ZFHX3: variants seen among roughly 807,000 people sequenced by gnomAD.
ZFHX3 encodes zinc finger homeobox protein 3.
Under a neutral mutation model 279.1 loss-of-function variants are expected in ZFHX3, and 42 were observed. The ratio of observed to expected loss-of-function variants is 0.15; its 90% CI spans 0.12 to 0.19. The LOEUF (loss-of-function observed/expected upper bound fraction) is 0.19. Among genes scored for constraint, ZFHX3 ranks in the 10% least tolerant of loss-of-function variants. ZFHX3 has a pLI of 1.00. For synonymous variants in ZFHX3, 2,293 were observed against 1,957.8 expected (o/e 1.17, Z -4.52); for missense variants, 4,981 against 4,754.0 (o/e 1.05, Z -1.40).
chr16:72,800,183 G>A, intron 7 of ZFHX3, 54 bp from the exon 8 acceptor site: 1 of 1,484,934 alleles, frequency 6.7e-7, no homozygotes, highest in Admixed American at 1.7e-5. Flanking sequence ...CACAAAATAG[G>A]AAATGTTTAA....
chr16:73,611,352 A>G (rs1231379736), intron 2 of ZFHX3, among the ~76,000 whole-genome samples: 1 of 152,186 alleles, frequency 6.6e-6, no homozygotes, highest in Non-Finnish European at 1.5e-5. Flanking sequence ...GAATTAAAAA[A>G]TGCTTTTTCT....
chr16:73,779,697 AC>A (rs1959385206), intron 1 of ZFHX3, among the ~76,000 whole-genome samples: 1 of 152,136 alleles, frequency 6.6e-6, no homozygotes, highest in Non-Finnish European at 1.5e-5. Context: ...CAACAAAGAT[AC>A]CTTTGATGAA....
In ZFHX3 at chr16:72,966,176, C is replaced by G. The variant is rs78066012; in HGVS notation, c.-49-5982G>C. 3.3e-5 allele frequency among the ~76,000 whole-genome samples: 5 copies of G among 152,226 alleles called. No homozygotes were observed. The East Asian group carries it at 9.7e-4, about 29-fold the overall frequency. ...TGACTGAAATCAACAGCTTGAGGAA[C>G]AAGACCATGCAGGCATGTCCACTTG... On this transcript the variant is annotated intron_variant, in intron 1 of 9. Transcript: ENST00000268489.
intron 2 of ZFHX3, among the ~76,000 whole-genome samples, chr16:73,637,815 C>T (rs2052541548): frequency 6.6e-6 from 1 of 151,964 alleles, no homozygotes; most frequent in Admixed American, 6.6e-5. Flanking sequence ...ATACAAAGTA[C>T]TTAAAAACAG....
At chr16:73,798,049 T>C (rs1192375851) in intron 1 of ZFHX3, among the ~76,000 whole-genome samples, 1 of 152,030 alleles carries the variant, frequency 6.6e-6, no homozygotes, top group Non-Finnish European at 1.5e-5. Context: ...CCTCAAGTGA[T>C]CCACCTGCCT....
In ZFHX3 at chr16:72,958,872, G is replaced by C. The variant is rs781345212; in HGVS notation, c.1274C>G (p.Ser425Cys). 6 of 1,612,934 alleles carry C rather than the reference G, an allele frequency of 3.7e-6. No individual in the cohort carries two copies. The East Asian group carries it at 1.3e-4, about 36-fold the overall frequency. ...ITSVPLGPLA[S>C]SPTKSSEGKD... ...GCCCTCTGAGGATTTGGTAGGACTG[G>C]AAGCCAGAGGCCCCAGGGGGACTGA... The change falls in exon 2 of 10, where the codon TCC (serine) becomes TGC (cysteine). Residue 425 changes from serine (S) to cysteine (C), a missense_variant. Ser to Cys is a moderately radical substitution (Grantham distance 112). This residue lies in a region of ZFHX3 where 1,068 missense variants were observed against 935.2 expected (regional missense o/e 1.14). Transcript: ENST00000268489.
At chr16:73,669,138 C>G (rs1213337143) in intron 2 of ZFHX3, among the ~76,000 whole-genome samples, 1 of 151,890 alleles carries the variant, frequency 6.6e-6, no homozygotes, top group Non-Finnish European at 1.5e-5. Flanking sequence ...ACTGCAACCA[C>G]TGCCTCCCGG....
At chr16:73,110,036 C>T (rs1193748350) in intron 7 of ZFHX3, among the ~76,000 whole-genome samples, 5 of 151,814 alleles carry the variant, frequency 3.3e-5, no homozygotes, top group South Asian at 2.1e-4. Context: ...GTCAGGAGAT[C>T]GAGACCATCC....
At position 73,106,133 on chromosome 16, in the gene ZFHX3, T is replaced by C. The variant is rs376430949; in HGVS notation, c.-896-12535A>G. On this transcript the variant is annotated intron_variant, in intron 7 of 17. Coordinates refer to the ZFHX3 transcript ENST00000641206. ...CCCTGAGCTTTGGCTACTGCCTGAC[T>C]TTTCTCATGATATTCCAATGATTTC... Among the ~76,000 whole-genome samples the C allele has an allele frequency of 6.0e-4, 91 of 152,196 alleles. 1 individual carries two copies. The highest frequency in any genetic ancestry group is 2.1e-3 in the African/African-American group (88 of 41,552).
intron 3 of ZFHX3, among the ~76,000 whole-genome samples, chr16:73,348,231 C>T (rs749530829): frequency 1.2e-4 from 19 of 152,238 alleles, no homozygotes; most frequent in Middle Eastern, 3.4e-3. Flanking sequence ...CCGAAGCACT[C>T]GGCTTCTCCA....
At chr16:73,777,992 T>A (rs991597741) in intron 1 of ZFHX3, among the ~76,000 whole-genome samples, 1 of 152,026 alleles carries the variant, frequency 6.6e-6, no homozygotes, top group Admixed American at 6.6e-5. Context: ...TTCATGCCCT[T>A]GCATTCCAGC....
At chr16:72,903,430 C>A (rs1597363472) in intron 3 of ZFHX3, among the ~76,000 whole-genome samples, 1 of 152,298 alleles carries the variant, frequency 6.6e-6, no homozygotes, top group South Asian at 2.1e-4. Context: ...TGGCCACTGT[C>A]TTACAGTGGG....
chr16:73,582,412 G>A (rs748811056), intron 2 of ZFHX3, among the ~76,000 whole-genome samples: 18 of 151,352 alleles, frequency 1.2e-4, no homozygotes, highest in Non-Finnish European at 1.9e-4. Context: ...TACTTCTAAC[G>A]TTCTTCACAG....
At chr16:73,025,043 A>C (rs1339745849) in intron 1 of ZFHX3, among the ~76,000 whole-genome samples, 1 of 152,182 alleles carries the variant, frequency 6.6e-6, no homozygotes, top group Non-Finnish European at 1.5e-5. Flanking sequence ...TATCCATTAT[A>C]AGGATCTAAC....
rs5817876 is a variant in ZFHX3, at chr16:73,759,880, GAA to G, written c.-1607-79642_-1607-79641del. ...ATTTGGGATTGTCTTGGTCTTACAG[GAA>G]AAAAAAAAAAAGTAGAAAGTGGGAT... On this transcript the variant is annotated intron_variant, in intron 1 of 17. Transcript: ENST00000641206. 1.2e-3 allele frequency among the ~76,000 whole-genome samples: 174 copies of G among 145,754 alleles called. 1 individual carries two copies. Among genetic ancestry groups the G allele is most frequent in the Middle Eastern group, 3.4e-3 (1 of 290 alleles).
At chr16:72,967,859 C>T (rs898880804) in intron 1 of ZFHX3, among the ~76,000 whole-genome samples, 3 of 148,888 alleles carry the variant, frequency 2.0e-5, no homozygotes, top group African/African-American at 7.5e-5. Flanking sequence ...ACCCGGGAGA[C>T]ACAACTTGCA....
intron 8 of ZFHX3, among the ~76,000 whole-genome samples, chr16:73,091,071 C>T (rs2144777036): frequency 6.6e-6 from 1 of 151,864 alleles, no homozygotes; most frequent in Non-Finnish European, 1.5e-5. Flanking sequence ...ATTAACCAGG[C>T]ATGGTGGCGG....
At chr16:73,462,525 AT>A (rs1187413587) in intron 2 of ZFHX3, among the ~76,000 whole-genome samples, 1 of 152,120 alleles carries the variant, frequency 6.6e-6, no homozygotes, top group Non-Finnish European at 1.5e-5. Context: ...GTCTTTTATC[AT>A]TAAGTATAAC....
intron 1 of ZFHX3, among the ~76,000 whole-genome samples, chr16:73,759,777 G>T (rs896462821): frequency 1.2e-4 from 18 of 151,842 alleles, no homozygotes; most frequent in Non-Finnish European, 5.9e-5. Flanking sequence ...TTTGAGTTTT[G>T]TGAATGAAGG....
Sources: allele counts gnomAD v4.1 joint callset (sites outside exome capture counted in the v4.1 genomes callset), GRCh38; gene constraint gnomAD v4.1.1; regional missense constraint gnomAD v4.1.1; transcripts MANE v1.5; gene names NCBI Gene and HGNC (gene_info 2026-07-23, HGNC 2026-07-21).